HAGH: variants seen among roughly 807,000 people sequenced by gnomAD.
HAGH encodes hydroxyacylglutathione hydrolase.
Under a neutral mutation model 35.1 loss-of-function variants are expected in HAGH, and 29 were observed. The ratio of observed to expected loss-of-function variants is 0.83; its 90% CI spans 0.62 to 1.13. The LOEUF is 1.13. Among genes scored for constraint, HAGH ranks in the 50% most tolerant of loss-of-function variants. HAGH has a pLI of 0.00. For synonymous variants in HAGH, 225 were observed against 176.1 expected, an observed-to-expected ratio of 1.28 and a Z score of -2.20; for missense variants, 478 against 419.6, an observed-to-expected ratio of 1.14 and a Z score of -1.22.
chr16:1,821,936 TTTTTTTTG>T (rs1352953845), intron 3 of HAGH: 1 of 178,460 alleles, frequency 5.6e-6, no homozygotes, highest in East Asian at 1.4e-4. Flanking sequence ...GGCTGCTTGT[TTTTTTTTG>T]TTTTTTTGTT....
At position 1,822,893 on chromosome 16, in the gene HAGH, G is replaced by T; in HGVS notation, c.221C>A (p.Ala74Asp). Reference sequence around the variant, plus strand: ...CTGGGGCTGCACCGGATCCACAATGGCAGCCTCCTTGGTCTCATCATCAAT... The same window carrying T: ...CTGGGGCTGCACCGGATCCACAATGTCAGCCTCCTTGGTCTCATCATCAAT... ...LVIDDETKEA[A>D]IVDPVQPQKV... The change falls in exon 2 of 9, where the codon GCC (alanine) becomes GAC (aspartate). Residue 74 changes from alanine (A) to aspartate (D), a missense_variant. Ala to Asp is a moderately radical substitution (Grantham distance 126). Transcript: ENST00000397356. 6.2e-7 allele frequency: 1 copy of T among 1,613,800 alleles called. No individual in the cohort carries two copies. Among genetic ancestry groups the T allele is most frequent in the Non-Finnish European group, 8.5e-7 (1 of 1,179,956 alleles).
chr16:1,818,927 G>A, intron 5 of HAGH, 188 bp downstream of exon 5: 1 of 581,872 alleles, frequency 1.7e-6, no homozygotes, highest in Non-Finnish European at 3.1e-6. Context: ...CTTCCTTCCA[G>A]ACCACGATCC....
intron 5 of HAGH, among the ~76,000 whole-genome samples, chr16:1,817,974 G>A (rs1467391994): frequency 6.6e-6 from 1 of 152,248 alleles, no homozygotes; most frequent in African/African-American, 2.4e-5. Flanking sequence ...GAAGCATGCA[G>A]CGGTGCTGGG....
chr16:1,809,992 T>C, intron 7 of HAGH, 159 bp from the exon 8 acceptor site: 1 of 613,920 alleles, frequency 1.6e-6, no homozygotes. Flanking sequence ...GGCGAGACCC[T>C]GTGTCTACTA....
chr16:1,819,748 AGAG>A, intron 4 of HAGH, 146 bp downstream of exon 4: 1 of 568,446 alleles, frequency 1.8e-6, no homozygotes, highest in South Asian at 1.9e-5. Flanking sequence ...GTGCCTAGAC[AGAG>A]AAGACCATCC....
chr16:1,825,093 C>A (rs1278558488), intron 1 of HAGH, among the ~76,000 whole-genome samples: 1 of 152,164 alleles, frequency 6.6e-6, no homozygotes, highest in Non-Finnish European at 1.5e-5. Context: ...CCGAGGCGGG[C>A]GGATCGCGGG....
chr16:1,823,918 C>T (rs966919794), intron 1 of HAGH, among the ~76,000 whole-genome samples: 1 of 152,076 alleles, frequency 6.6e-6, no homozygotes, highest in Non-Finnish European at 1.5e-5. Context: ...GATTGTGAGG[C>T]GAACCACTGC....
At chr16:1,815,987 C>T (rs530949397) in intron 7 of HAGH, among the ~76,000 whole-genome samples, 3 of 115,020 alleles carry the variant, frequency 2.6e-5, no homozygotes, top group Non-Finnish European at 4.9e-5. Flanking sequence ...TGTCACCAGG[C>T]TGGAGCGCAG....
rs1898430852 is a variant in HAGH, at chr16:1,826,521, ACCCGCGGC to A, written c.76+183_76+190del. 3 of 966,276 alleles carry A rather than the reference ACCCGCGGC, an allele frequency of 3.1e-6. No homozygotes were observed. The South Asian group carries it at 1.4e-4, about 45-fold the overall frequency. The allele number at this position is 966,276 out of a possible 1,614,324, so 59.9% of individuals were successfully genotyped here. A position where few individuals can be genotyped will look rare whatever the true frequency, so the allele number is the denominator to read the frequency against. ...GCCCTGCTTACCTAGCGCTTTCCGC[ACCCGCGGC>A]CCCGCGCCCGCTCCGCGCCAGCCTC... On this transcript the variant is annotated intron_variant, in intron 1 of 8. Transcript: ENST00000397356.
At chr16:1,814,177 A>T (rs1454275559) in intron 7 of HAGH, among the ~76,000 whole-genome samples, 1 of 125,684 alleles carries the variant, frequency 8.0e-6, no homozygotes, top group African/African-American at 3.4e-5. Flanking sequence ...AAGAAACATA[A>T]AAGAAAAATT....
At position 1,817,179 on chromosome 16, in the gene HAGH, G is replaced by A. The variant is rs770523018; in HGVS notation, c.634C>T (p.Pro212Ser). Residue 212 changes from proline (P) to serine (S), a missense_variant, in exon 6 of 9, where the codon CCC (proline) becomes TCC (serine). Coordinates refer to ENST00000397356, the MANE Select transcript of HAGH (RefSeq NM_005326.6). The stretch of plus-strand genomic sequence containing the variant: ...GAGGCGCTGCCTACTGTGTCCGGGG[G>A]GAGCCGGCCCAAGACCTCCAGCAGA... ...KALLEVLGRL[P>S]PDTRVYCGHE... The A allele has an allele frequency of 6.2e-7, 1 of 1,607,732 alleles. No individual in the cohort carries two copies. Among genetic ancestry groups the A allele is most frequent in the Non-Finnish European group, 8.5e-7 (1 of 1,174,166 alleles).
At position 1,809,810 on chromosome 16, in the gene HAGH, G is replaced by C. The variant is rs150394294; in HGVS notation, c.771C>G (p.Pro257=). 1 of 1,613,642 alleles carries C rather than the reference G, an allele frequency of 6.2e-7. No homozygotes were observed. Among genetic ancestry groups the C allele is most frequent in the African/African-American group, 1.3e-5 (1 of 75,040 alleles). The change falls in exon 8 of 9, where the codon CCC becomes CCG. Residue 257 remains proline (P), a synonymous_variant. Transcript: ENST00000397356. ...WAKEKYSIGE[P]TVPSTLAEEF... is the part of the protein sequence containing the mutation. Reference sequence around the variant, plus strand: ...CCTCTGCCAGGGTGGATGGCACTGTGGGCTCCCCGATGCTGTACTTCTCCT... The same window carrying C: ...CCTCTGCCAGGGTGGATGGCACTGTCGGCTCCCCGATGCTGTACTTCTCCT...
intron 4 of HAGH, 64 bp downstream of exon 4, chr16:1,819,833 G>GGACCCCC (rs1898066275): frequency 1.0e-6 from 1 of 999,462 alleles, no homozygotes; most frequent in Non-Finnish European, 1.6e-6. Context: ...ATGCGGGGAG[G>GGACCCCC]GACCCCCCTC....
intron 8 of HAGH, 114 bp from the exon 9 acceptor site, chr16:1,809,496 C>CGGA: frequency 1.2e-6 from 1 of 848,472 alleles, no homozygotes; most frequent in South Asian, 1.4e-5. Flanking sequence ...TCAGAGGACA[C>CGGA]GGAGGGCGGG....
At chr16:1,820,683 TG>T (rs1898116918) in intron 3 of HAGH, among the ~76,000 whole-genome samples, 4 of 152,110 alleles carry the variant, frequency 2.6e-5, no homozygotes, top group African/African-American at 9.7e-5. Context: ...GGGTCTCACA[TG>T]ATATCACAGA....
rs1472344553 is a variant in HAGH at position 1,816,785 on chromosome 16, G to A, written c.747+108C>T. The stretch of plus-strand genomic sequence containing the variant: ...CCACACTGGCCTGAATCCCAGGCCT[G>A]CTCTCTGGGCTCAGAGTGTGAGTGT... On this transcript the variant is annotated intron_variant, in intron 7 of 8. Transcript: ENST00000397356. 8.3e-6 allele frequency: 6 copies of A among 719,380 alleles called. No individual in the cohort carries two copies. In the East Asian group the frequency reaches 1.6e-4, roughly 19 times the overall value. 44.6% of individuals were successfully genotyped at this position (719,380 alleles called of 1,614,324 possible). A position where few individuals can be genotyped will look rare whatever the true frequency, so the allele number is the denominator to read the frequency against.
At chr16:1,826,941 T>G (rs1458431144), upstream of HAGH, 22 of 643,540 alleles carry the variant, frequency 3.4e-5, no homozygotes, top group Non-Finnish European at 5.1e-5. Flanking sequence ...CGCGCTCAAC[T>G]TGTTTTGTCC....
intron 7 of HAGH, among the ~76,000 whole-genome samples, chr16:1,816,525 G>A (rs960239198): frequency 3.9e-5 from 6 of 152,134 alleles, no homozygotes; most frequent in African/African-American, 1.4e-4. Context: ...CCTGGGCTAC[G>A]CCATGGAGGC....
At chr16:1,809,984 C>T (rs1309108889) in intron 7 of HAGH, 151 bp from the exon 8 acceptor site, 11 of 631,972 alleles carry the variant, frequency 1.7e-5, no homozygotes, top group African/African-American at 1.1e-4. Flanking sequence ...GACAACATGG[C>T]GAGACCCTGT....
Sources: allele counts gnomAD v4.1 joint callset (sites outside exome capture counted in the v4.1 genomes callset), GRCh38; gene constraint gnomAD v4.1.1; transcripts MANE v1.5; gene names NCBI Gene and HGNC (gene_info 2026-07-23, HGNC 2026-07-21).